The following RIT2 variants were observed in gnomAD, a reference collection of about 807,000 sequenced individuals.
The protein encoded by RIT2 is Ras like without CAAX 2, also known as GTP-binding protein Rit2.
Under a neutral mutation model 23.7 loss-of-function variants are expected in RIT2, and 24 were observed. The observed-to-expected ratio is 1.01, with a 90% CI of 0.73 to 1.43. The LOEUF is 1.43. RIT2 is among the 40% of genes most tolerant of loss of function. The pLI is 0.00. For missense variants in RIT2, 236 were observed against 266.9 expected, an observed-to-expected ratio of 0.88 and a Z score of 0.81; for synonymous variants, 107 against 91.1, an observed-to-expected ratio of 1.17 and a Z score of -0.99.
intron 4 of RIT2, among the ~76,000 whole-genome samples, chr18:42,858,309 T>C (rs1346268512): frequency 6.6e-6 from 1 of 152,224 alleles, no homozygotes; most frequent in East Asian, 1.9e-4. Flanking sequence ...TGAATACCTG[T>C]TCTGCTCTGG....
At chr18:43,044,551 A>G (rs1025532557) in intron 1 of RIT2, among the ~76,000 whole-genome samples, 1 of 152,158 alleles carries the variant, frequency 6.6e-6, no homozygotes, top group Non-Finnish European at 1.5e-5. Context: ...CAAATCCATC[A>G]CAGTTCAAAG....
chr18:43,097,617 C>A (rs1268726612), intron 1 of RIT2, among the ~76,000 whole-genome samples: 1 of 151,864 alleles, frequency 6.6e-6, no homozygotes, highest in East Asian at 1.9e-4. Context: ...TTGTCTGGAA[C>A]AAAGTGTTTG....
chr18:42,924,454 C>T (rs1254967078), intron 3 of RIT2, among the ~76,000 whole-genome samples: 2 of 151,942 alleles, frequency 1.3e-5, no homozygotes, highest in Non-Finnish European at 2.9e-5. Context: ...CTTTCAACTA[C>T]AACTTCTCGG....
At position 43,016,228 on chromosome 18, in the gene RIT2, ATGAC is replaced by A. The variant is rs1911471029; in HGVS notation, c.160+17579_160+17582del. ...GAAGATTTGTTTCCTATCATTTCAC[ATGAC>A]TGACAAAAATAGAAAGATAAAATAA... On this transcript the variant is annotated intron_variant, in intron 2 of 4. Transcript: ENST00000326695. 6.6e-5 allele frequency among the ~76,000 whole-genome samples: 10 copies of A among 151,962 alleles called. No homozygotes were observed. The South Asian group carries it at 2.1e-3, about 31-fold the overall frequency.
chr18:42,882,811 T>C (rs1231581415), intron 4 of RIT2, among the ~76,000 whole-genome samples: 1 of 152,168 alleles, frequency 6.6e-6, no homozygotes, highest in Non-Finnish European at 1.5e-5. Flanking sequence ...TCAGAATTGC[T>C]CCTACAGACT....
chr18:43,002,618 T>C (rs1911133259), intron 2 of RIT2, among the ~76,000 whole-genome samples: 1 of 151,902 alleles, frequency 6.6e-6, no homozygotes, highest in South Asian at 2.1e-4. Flanking sequence ...GATGATCACT[T>C]GCAGGGACTA....
intron 4 of RIT2, among the ~76,000 whole-genome samples, chr18:42,817,788 G>A (rs563929518): frequency 6.6e-6 from 1 of 151,758 alleles, no homozygotes; most frequent in Admixed American, 6.6e-5. Context: ...CATAAAATAG[G>A]GAAACAACAT....
At chr18:42,932,560 C>T (rs530796477) in intron 3 of RIT2, among the ~76,000 whole-genome samples, 3 of 152,228 alleles carry the variant, frequency 2.0e-5, no homozygotes, top group Non-Finnish European at 4.4e-5. Flanking sequence ...TCTCTCATGG[C>T]CTGATCATAA....
rs556895294 is a variant in RIT2 at position 43,055,433 on chromosome 18, C to T, written c.104-21566G>A. Among the ~76,000 whole-genome samples the T allele has an allele frequency of 5.1e-4, 78 of 152,164 alleles. 1 individual carries two copies. The highest frequency in any genetic ancestry group is 1.9e-3 in the African/African-American group (77 of 41,526). ...TCTGTATCAAAAGCTGAATTAGAGA[C>T]AGATTAGTTAAGACAATCTCTCAAC... On this transcript the variant is annotated intron_variant, in intron 1 of 4. Transcript: ENST00000326695.
chr18:42,998,359 C>A (rs1030621069), intron 2 of RIT2, among the ~76,000 whole-genome samples: 7 of 152,094 alleles, frequency 4.6e-5, no homozygotes, highest in Non-Finnish European at 1.0e-4. Flanking sequence ...AGTAGAGATG[C>A]CTATAAATTC....
intron 1 of RIT2, among the ~76,000 whole-genome samples, chr18:43,066,237 G>T (rs1385314282): frequency 1.3e-5 from 2 of 152,064 alleles, no homozygotes; most frequent in Non-Finnish European, 1.5e-5. Context: ...GTAAGTCTGG[G>T]TTACAAAGTG....
intron 4 of RIT2, among the ~76,000 whole-genome samples, chr18:42,823,282 T>C (rs560273401): frequency 1.3e-5 from 2 of 152,312 alleles, no homozygotes; most frequent in East Asian, 3.9e-4. Context: ...ACAAAATATT[T>C]CACACATTTG....
intron 4 of RIT2, 107 bp downstream of exon 4, chr18:42,923,465 A>C (rs1909101929): frequency 1.1e-6 from 1 of 916,116 alleles, no homozygotes; most frequent in African/African-American, 1.7e-5. Context: ...TCATGTGCAT[A>C]ATTTCTTTCT....
At chr18:42,915,546 AG>A (rs760527456) in intron 4 of RIT2, among the ~76,000 whole-genome samples, 1 of 152,048 alleles carries the variant, frequency 6.6e-6, no homozygotes, top group Non-Finnish European at 1.5e-5. Flanking sequence ...TTACAAATGC[AG>A]TCAATGATCC....
chr18:42,920,014 T>C (rs1179663931), intron 4 of RIT2, among the ~76,000 whole-genome samples: 2 of 152,086 alleles, frequency 1.3e-5, no homozygotes, highest in African/African-American at 4.8e-5. Context: ...AACACAACTT[T>C]CCAGTAATTT....
At chr18:42,767,846 G>C (rs1436132912) in intron 4 of RIT2, among the ~76,000 whole-genome samples, 1 of 152,080 alleles carries the variant, frequency 6.6e-6, no homozygotes, top group Non-Finnish European at 1.5e-5. Context: ...GGGTTTATCA[G>C]GGGTTTCCAC....
At chr18:42,947,273 A>T (rs550642799) in intron 3 of RIT2, among the ~76,000 whole-genome samples, 1 of 152,250 alleles carries the variant, frequency 6.6e-6, no homozygotes, top group Admixed American at 6.6e-5. Context: ...GAGTAAGCTT[A>T]ACTGAGAGTG....
At chr18:43,095,397 T>C (rs1160946340) in intron 1 of RIT2, among the ~76,000 whole-genome samples, 1 of 151,976 alleles carries the variant, frequency 6.6e-6, no homozygotes, top group East Asian at 1.9e-4. Context: ...TTGCCCATTT[T>C]TTGATGGGGT....
At chr18:42,883,790 T>C (rs1316184334) in intron 4 of RIT2, among the ~76,000 whole-genome samples, 8 of 152,208 alleles carry the variant, frequency 5.3e-5, no homozygotes, top group Admixed American at 2.0e-4. Flanking sequence ...TTAAAACAGC[T>C]ACTACTTCTA....
Sources: allele counts gnomAD v4.1 joint callset (sites outside exome capture counted in the v4.1 genomes callset), GRCh38; gene constraint gnomAD v4.1.1; transcripts MANE v1.5; gene names NCBI Gene and HGNC (gene_info 2026-07-23, HGNC 2026-07-21).